PRKCB: variants seen among roughly 807,000 people sequenced by gnomAD.
The protein encoded by PRKCB is protein kinase C beta type.
A neutral mutation model predicts 81.5 loss-of-function variants in PRKCB; 13 were observed. The ratio of observed to expected loss-of-function variants is 0.16; its 90% CI spans 0.10 to 0.25. The LOEUF (loss-of-function observed/expected upper bound fraction) is 0.25. Among genes scored for constraint, PRKCB ranks in the 10% least tolerant of loss-of-function variants. The pLI is 1.00. For synonymous variants in PRKCB, 335 were observed against 321.4 expected (o/e 1.04, Z -0.45); for missense variants, 509 against 875.7 (o/e 0.58, Z 5.29).
At chr16:23,854,540 T>C (rs1166194717) in intron 2 of PRKCB, among the ~76,000 whole-genome samples, 1 of 152,120 alleles carries the variant, frequency 6.6e-6, no homozygotes, top group Non-Finnish European at 1.5e-5. Flanking sequence ...AGGTCTTTCA[T>C]CTTCCAGTGG....
intron 2 of PRKCB, among the ~76,000 whole-genome samples, chr16:23,841,101 C>G (rs924688342): frequency 1.3e-5 from 2 of 152,006 alleles, no homozygotes; most frequent in Non-Finnish European, 2.9e-5. Flanking sequence ...TTTATTGAGA[C>G]AGAGTCTCAC....
chr16:24,055,620 C>T (rs1052962472), intron 5 of PRKCB, among the ~76,000 whole-genome samples: 8 of 152,282 alleles, frequency 5.3e-5, no homozygotes, highest in African/African-American at 1.9e-4. Flanking sequence ...TGTCTTAGCC[C>T]GTTGTTGGAG....
At chr16:23,867,052 CTCTCTCTCTCTCTTTCTTT>C (rs1962815925) in intron 2 of PRKCB, among the ~76,000 whole-genome samples, 2 of 85,640 alleles carry the variant, frequency 2.3e-5, no homozygotes, top group Admixed American at 2.3e-4. Flanking sequence ...TTCCTTCCTT[CTCTCTCTCTCTCTTTCTTT>C]CTTTCTCTTT....
In PRKCB at chr16:24,119,886, A is replaced by G. The variant is rs143613812; in HGVS notation, c.919-3949A>G. Among the ~76,000 whole-genome samples the G allele has an allele frequency of 5.9e-5, 9 of 152,284 alleles. No homozygotes were observed. In the East Asian group the frequency reaches 1.2e-3, roughly 20 times the overall value. On this transcript the variant is annotated intron_variant, in intron 8 of 16. Coordinates refer to ENST00000643927, the MANE Select transcript of PRKCB (RefSeq NM_002738.7). ...ATTTACACTTGGGTTAAACCTCAAC[A>G]TATCTTACTGCAAAGTAAACTGACC...
intron 2 of PRKCB, among the ~76,000 whole-genome samples, chr16:23,854,663 T>G (rs76092147): frequency 0.085 from 12,876 of 152,168 alleles, 1,780 homozygotes; most frequent in African/African-American, 0.29. Context: ...TTCTGCCATA[T>G]TCCCTGGTCA....
In PRKCB at chr16:23,966,249, A is replaced by G. The variant is rs1415991983; in HGVS notation, c.206-22259A>G. Among the ~76,000 whole-genome samples, 4 of 152,182 alleles carry G rather than the reference A, an allele frequency of 2.6e-5. No individual in the cohort carries two copies. In the East Asian group the frequency reaches 7.7e-4, roughly 29 times the overall value. Reference sequence around the variant, plus strand: ...GAGGGGCTTCTTTCAGGCTCTGAGGACTGGAGCCCTGGAGACTTTATTGCC... The same window carrying G: ...GAGGGGCTTCTTTCAGGCTCTGAGGGCTGGAGCCCTGGAGACTTTATTGCC... On this transcript the variant is annotated intron_variant, in intron 2 of 16. Coordinates refer to ENST00000643927, the MANE Select transcript of PRKCB (RefSeq NM_002738.7).
rs1962811518 is a variant in PRKCB at position 23,867,032 on chromosome 16, CCT to C, written c.205+29627_205+29628del. Among the ~76,000 whole-genome samples the C allele has an allele frequency of 3.3e-3, 290 of 88,240 alleles. 1 individual carries two copies. Among genetic ancestry groups the C allele is most frequent in the African/African-American group, 0.013 (275 of 20,736 alleles). 57.9% of individuals were successfully genotyped at this position (88,240 alleles called of 152,430 possible). A position where few individuals can be genotyped will look rare whatever the true frequency, so the allele number is the denominator to read the frequency against. On this transcript the variant is annotated intron_variant, in intron 2 of 16. Coordinates refer to ENST00000643927, the MANE Select transcript of PRKCB (RefSeq NM_002738.7). ...TCCTTCCTTCCTTCCTTCCTTCCTT[CCT>C]TCCTTCCTTCCTTCCTTCTCTCTCT...
chr16:23,976,687 T>C (rs754617074), intron 2 of PRKCB, among the ~76,000 whole-genome samples: 1 of 152,064 alleles, frequency 6.6e-6, no homozygotes, highest in Non-Finnish European at 1.5e-5. Flanking sequence ...GGCTGGTGAG[T>C]GAAGAGATAT....
At chr16:23,995,630 AAGTGGGCATGCAC>A (rs1964946061) in intron 3 of PRKCB, among the ~76,000 whole-genome samples, 1 of 152,162 alleles carries the variant, frequency 6.6e-6, no homozygotes, top group Non-Finnish European at 1.5e-5. Context: ...CCGAGCCATA[AAGTGGGCATGCAC>A]AGCAGCACTT....
chr16:24,127,037 C>T (rs1388790392), intron 9 of PRKCB, among the ~76,000 whole-genome samples: 4 of 117,266 alleles, frequency 3.4e-5, no homozygotes, highest in African/African-American at 1.3e-4. Context: ...CGGTGTTTCT[C>T]TCTTGTTGCC....
chr16:24,036,582 G>A (rs760532303), intron 5 of PRKCB, among the ~76,000 whole-genome samples: 20 of 152,150 alleles, frequency 1.3e-4, no homozygotes, highest in Middle Eastern at 3.2e-3. Context: ...CCTGGGTTGC[G>A]GAGGGGCTTT....
At chr16:23,991,876 G>C (rs1964890542) in intron 3 of PRKCB, among the ~76,000 whole-genome samples, 1 of 152,186 alleles carries the variant, frequency 6.6e-6, no homozygotes, top group African/African-American at 2.4e-5. Context: ...GGGTTATGCT[G>C]ATTGGCCAGG....
At chr16:23,931,151 G>C (rs1008982313) in intron 2 of PRKCB, among the ~76,000 whole-genome samples, 3 of 152,226 alleles carry the variant, frequency 2.0e-5, no homozygotes, top group Non-Finnish European at 4.4e-5. Context: ...AGACCTTACT[G>C]TCCAGCTTTT....
At chr16:23,890,938 A>G (rs546746332) in intron 2 of PRKCB, among the ~76,000 whole-genome samples, 1 of 152,252 alleles carries the variant, frequency 6.6e-6, no homozygotes, top group Non-Finnish European at 1.5e-5. Context: ...TGGGACATTT[A>G]TCTTTATATA....
chr16:23,952,095 T>C (rs1386092927), intron 2 of PRKCB, among the ~76,000 whole-genome samples: 1 of 152,056 alleles, frequency 6.6e-6, no homozygotes, highest in Non-Finnish European at 1.5e-5. Context: ...GTAAACGTGG[T>C]ATAAAACAGG....
At chr16:24,151,648 A>C (rs1967080950) in intron 9 of PRKCB, 1 of 384,534 alleles carries the variant, frequency 2.6e-6, no homozygotes, top group African/African-American at 2.1e-5. Context: ...GCAGTGCAAG[A>C]GCATGGAAGG....
chr16:24,152,224 G>C (rs1044595785), intron 9 of PRKCB, among the ~76,000 whole-genome samples: 1 of 152,158 alleles, frequency 6.6e-6, no homozygotes, highest in African/African-American at 2.4e-5. Flanking sequence ...CATGGTAGCA[G>C]TCAAGAGAGA....
intron 9 of PRKCB, among the ~76,000 whole-genome samples, chr16:24,131,160 G>A (rs1966852909): frequency 6.6e-6 from 1 of 152,184 alleles, no homozygotes; most frequent in Non-Finnish European, 1.5e-5. Context: ...AAAAGAAAAA[G>A]TGAAGTTACT....
At chr16:23,843,107 A>G (rs2188360) in intron 2 of PRKCB, among the ~76,000 whole-genome samples, 118,696 of 152,034 alleles carry the variant, frequency 0.78, 46,537 homozygotes, top group East Asian at 0.94. Context: ...TTAGCATAGC[A>G]TATGTGTATT....
Sources: gnomAD v4.1 joint callset for allele counts (sites outside exome capture counted in the v4.1 genomes callset) on GRCh38, gnomAD v4.1.1 for gene constraint, MANE v1.5 for transcripts, NCBI Gene and HGNC (gene_info 2026-07-23, HGNC 2026-07-21) for gene names.